SUPT3H: variants seen among roughly 807,000 people sequenced by gnomAD.
The protein encoded by SUPT3H is SPT3 homolog, SAGA and STAGA complex component.
A neutral mutation model predicts 44.3 loss-of-function variants in SUPT3H; 44 were observed. That is an observed-to-expected ratio of 0.99 (90% CI 0.78 to 1.28). The LOEUF (loss-of-function observed/expected upper bound fraction) is 1.28. Among genes scored for constraint, SUPT3H ranks in the 50% most tolerant of loss-of-function variants. The pLI, the probability that SUPT3H is intolerant of heterozygous loss-of-function variation, is 0.00. For missense variants in SUPT3H, 380 were observed against 387.1 expected (o/e 0.98, Z 0.15); for synonymous variants, 124 against 125.6 (o/e 0.99, Z 0.09).
chr6:45,145,281 T>C (rs1197016840), intron 2 of SUPT3H, among the ~76,000 whole-genome samples: 2 of 152,162 alleles, frequency 1.3e-5, no homozygotes, highest in East Asian at 1.9e-4. Context: ...TACAAAGCTA[T>C]AGTTACCGAA....
chr6:45,107,348 AAAG>A (rs943164900), intron 2 of SUPT3H, among the ~76,000 whole-genome samples: 16 of 152,312 alleles, frequency 1.1e-4, no homozygotes, highest in Non-Finnish European at 2.1e-4. Flanking sequence ...AAGGTATAGA[AAAG>A]AATGTGGGGA....
chr6:44,884,228 T>C (rs766004893), intron 10 of SUPT3H, among the ~76,000 whole-genome samples: 9 of 152,178 alleles, frequency 5.9e-5, no homozygotes, highest in Non-Finnish European at 1.2e-4. Context: ...AAAGAAGACA[T>C]TTATGCGGCC....
In SUPT3H at chr6:44,827,662, TTTTA is replaced by T. The variant is rs1204783471; in HGVS notation, c.*2150_*2153del. ...TTTCTATAGTCACTGCTGAAGGAAG[TTTTA>T]TTTCACTTCAAATTTAGTATTGTGC... On this transcript the variant is annotated 3_prime_UTR_variant, in exon 11 of 11. Coordinates refer to ENST00000371459, the MANE Select transcript of SUPT3H (RefSeq NM_003599.4). Among the ~76,000 whole-genome samples the T allele has an allele frequency of 6.6e-6, 1 of 152,106 alleles. No individual in the cohort carries two copies. Among genetic ancestry groups the T allele is most frequent in the Non-Finnish European group, 1.5e-5 (1 of 67,970 alleles).
rs368543185 is a variant in SUPT3H at position 45,110,562 on chromosome 6, C to CT, written c.102-4557dup. ...CCTTTTCAGTGCTTTCTAACATCAGCTTTTTTTAAAAAAAAAAAAGGAGAA... is the reference window on the plus strand; with the variant it reads ...CCTTTTCAGTGCTTTCTAACATCAGCTTTTTTTTAAAAAAAAAAAAGGAGAA... On this transcript the variant is annotated intron_variant, in intron 2 of 10. Transcript: ENST00000371459. 4.4e-3 allele frequency among the ~76,000 whole-genome samples: 382 copies of CT among 87,414 alleles called. 1 individual carries two copies. Among genetic ancestry groups the CT allele is most frequent in the Non-Finnish European group, 6.3e-3 (301 of 47,690 alleles). The allele number at this position is 87,414 out of a possible 152,430, so 57.3% of individuals were successfully genotyped here. A position where few individuals can be genotyped will look rare whatever the true frequency, so the allele number is the denominator to read the frequency against.
intron 6 of SUPT3H, among the ~76,000 whole-genome samples, chr6:44,971,350 A>C (rs1304508730): frequency 1.3e-5 from 2 of 152,148 alleles, no homozygotes; most frequent in African/African-American, 4.8e-5. Context: ...GGACTGCCTG[A>C]GACTGGGTAA....
chr6:45,306,749 T>C (rs532629609), intron 2 of SUPT3H, among the ~76,000 whole-genome samples: 6 of 152,174 alleles, frequency 3.9e-5, no homozygotes, highest in African/African-American at 1.4e-4. Flanking sequence ...CCAACTGAGG[T>C]ACCGGGTTCA....
intron 2 of SUPT3H, among the ~76,000 whole-genome samples, chr6:45,168,874 T>C (rs890917685): frequency 6.6e-6 from 1 of 152,180 alleles, no homozygotes; most frequent in Non-Finnish European, 1.5e-5. Flanking sequence ...TTCAATGTCA[T>C]AAAGAGACTT....
chr6:45,307,135 T>C (rs1584829617), intron 2 of SUPT3H, among the ~76,000 whole-genome samples: 1 of 152,162 alleles, frequency 6.6e-6, no homozygotes, highest in Non-Finnish European at 1.5e-5. Flanking sequence ...TCGAACTGGG[T>C]GGAGCCCACG....
chr6:45,306,020 G>A (rs1782936225), intron 2 of SUPT3H, among the ~76,000 whole-genome samples: 2 of 152,328 alleles, frequency 1.3e-5, no homozygotes, highest in South Asian at 4.1e-4. Context: ...CTCCACTGAT[G>A]TGTTCACAAG....
At chr6:45,270,503 T>C (rs1393233137) in intron 2 of SUPT3H, among the ~76,000 whole-genome samples, 3 of 152,162 alleles carry the variant, frequency 2.0e-5, no homozygotes, top group East Asian at 1.9e-4. Context: ...TAGCTCTCAT[T>C]CTCTCTTAGC....
rs1320022321 is a variant in SUPT3H at position 45,228,574 on chromosome 6, T to C, written c.102-122568A>G. ...ACTCTTTATAATAAATCTCTTTCTA[T>C]GCAAACACCCGCGCGCGCGCACACA... On this transcript the variant is annotated intron_variant, in intron 2 of 10. Transcript: ENST00000371459. 2.6e-5 allele frequency among the ~76,000 whole-genome samples: 4 copies of C among 152,308 alleles called. No homozygotes were observed. The South Asian group carries it at 6.2e-4, about 24-fold the overall frequency.
intron 2 of SUPT3H, among the ~76,000 whole-genome samples, chr6:45,171,759 C>A (rs1810823257): frequency 7.3e-6 from 1 of 137,646 alleles, no homozygotes; most frequent in Non-Finnish European, 1.5e-5. Context: ...GCTCTGTCAC[C>A]CAGGCTGGAG....
intron 3 of SUPT3H, among the ~76,000 whole-genome samples, chr6:45,037,492 CAA>C (rs757168354): frequency 7.7e-6 from 1 of 129,188 alleles, no homozygotes. Context: ...ACTAAAAATA[CAA>C]AAAAAAAAAG....
intron 10 of SUPT3H, among the ~76,000 whole-genome samples, chr6:44,903,624 C>T (rs1485721302): frequency 6.6e-6 from 1 of 152,186 alleles, no homozygotes; most frequent in Admixed American, 6.5e-5. Flanking sequence ...TGCTACCATT[C>T]CTTCTGAAAG....
rs1803172072 is a variant in SUPT3H, at chr6:45,129,960, C to T, written c.102-23954G>A. On this transcript the variant is annotated intron_variant, in intron 2 of 10. Coordinates refer to ENST00000371459, the MANE Select transcript of SUPT3H (RefSeq NM_003599.4). ...CGTAATGATTGGTAAAAGCCACTTG[C>T]GAACTGGCACAAGACAGCTAAGTGA... 2.6e-5 allele frequency among the ~76,000 whole-genome samples: 4 copies of T among 152,038 alleles called. No individual in the cohort carries two copies. In the South Asian group the frequency reaches 6.2e-4, roughly 24 times the overall value.
At chr6:44,940,979 C>CAT (rs1244749909) in intron 9 of SUPT3H, among the ~76,000 whole-genome samples, 9 of 152,062 alleles carry the variant, frequency 5.9e-5, no homozygotes, top group Non-Finnish European at 2.9e-5. Context: ...TTGTAAGCAA[C>CAT]ATATAGTTAA....
In SUPT3H at chr6:45,225,398, G is replaced by A. The variant is rs77731935; in HGVS notation, c.102-119392C>T. Among the ~76,000 whole-genome samples the A allele has an allele frequency of 5.5e-3, 835 of 151,742 alleles. 12 individuals are homozygous for A. The highest frequency in any genetic ancestry group is 0.019 in the African/African-American group (802 of 41,380). On this transcript the variant is annotated intron_variant, in intron 2 of 10. Transcript: ENST00000371459. Reference sequence around the variant, plus strand: ...GCAAATACAGCTACTTCATTTAATCGACATTTTGTGAACTATCTTATATGC... The same window carrying A: ...GCAAATACAGCTACTTCATTTAATCAACATTTTGTGAACTATCTTATATGC...
Position 45,003,686 on chromosome 6 carries a change from G to A in SUPT3H, c.471C>T (p.Asp157=), listed in dbSNP as rs754207193. The part of the protein sequence containing the change: ...TGELLAMFED[D]EIDEVKQERM... ...TTTCTTGTTTAACTTCATCAATTTC[G>A]TCATCTTCAAACATTGCTAAAAGTT... Residue 157 remains aspartate, a synonymous_variant, in exon 6 of 11, where the codon GAC becomes GAT. Coordinates refer to ENST00000371459, the MANE Select transcript of SUPT3H (RefSeq NM_003599.4). 3.7e-5 allele frequency: 59 copies of A among 1,613,310 alleles called. No individual in the cohort carries two copies. The East Asian group carries it at 7.6e-4, about 21-fold the overall frequency.
In SUPT3H at chr6:45,224,791, G is replaced by A. The variant is rs201210554; in HGVS notation, c.102-118785C>T. Among the ~76,000 whole-genome samples, 459 of 148,808 alleles carry A rather than the reference G, an allele frequency of 3.1e-3. 5 individuals carry two copies. Among genetic ancestry groups the A allele is most frequent in the African/African-American group, 0.011 (440 of 40,658 alleles). On this transcript the variant is annotated intron_variant, in intron 2 of 10. Coordinates refer to ENST00000371459, the MANE Select transcript of SUPT3H (RefSeq NM_003599.4). ...AGACTTTGTCTCCAAAAAAAAAAAA[G>A]AAAGAAAGATAGAAAGAAAAAAACT...
Sources: gnomAD v4.1 joint callset for allele counts (sites outside exome capture counted in the v4.1 genomes callset) on GRCh38, gnomAD v4.1.1 for gene constraint, MANE v1.5 for transcripts, NCBI Gene and HGNC (gene_info 2026-07-23, HGNC 2026-07-21) for gene names.